Variants in DLG1 observed in about 807,000 individuals in gnomAD.
DLG1 encodes the protein discs large MAGUK scaffold protein 1, also known as disks large homolog 1.
A neutral mutation model predicts 123.4 loss-of-function variants in DLG1; 42 were observed. The observed-to-expected ratio is 0.34, with a 90% CI of 0.27 to 0.44. DLG1 has a LOEUF of 0.44. DLG1 is among the 20% of genes least tolerant of loss of function. DLG1 has a pLI of 1.00. For synonymous variants in DLG1, 317 were observed against 356.2 expected (o/e 0.89, Z 1.24); for missense variants, 942 against 1,082.6 (o/e 0.87, Z 1.82).
intron 4 of DLG1, among the ~76,000 whole-genome samples, chr3:197,202,299 A>C (rs567611126): frequency 6.6e-6 from 1 of 152,334 alleles, no homozygotes; most frequent in East Asian, 1.9e-4. Context: ...AAAACTTCCA[A>C]ATTTCTCAAC....
chr3:197,091,932 C>G (rs562066930), intron 14 of DLG1, among the ~76,000 whole-genome samples: 2 of 152,174 alleles, frequency 1.3e-5, no homozygotes, highest in East Asian at 3.9e-4. Flanking sequence ...CTTTCTTTCA[C>G]CATAATCATC....
chr3:197,156,565 A>T (rs553779188), intron 5 of DLG1, among the ~76,000 whole-genome samples: 2 of 152,342 alleles, frequency 1.3e-5, no homozygotes, highest in African/African-American at 4.8e-5. Flanking sequence ...CAAGAGACTC[A>T]CTGTAGATCC....
At chr3:197,058,713 TAA>T (rs1407813743) in intron 23 of DLG1, among the ~76,000 whole-genome samples, 1 of 152,204 alleles carries the variant, frequency 6.6e-6, no homozygotes. Context: ...GTCAAATAGG[TAA>T]AGTTTTAAAT....
chr3:197,254,468 G>A (rs1036481474), intron 4 of DLG1, among the ~76,000 whole-genome samples: 4 of 152,120 alleles, frequency 2.6e-5, no homozygotes, highest in Non-Finnish European at 5.9e-5. Flanking sequence ...ACACTGCTTC[G>A]CTTTCAATGG....
chr3:197,046,312 T>C (rs554713876), intron 24 of DLG1, among the ~76,000 whole-genome samples: 12 of 152,236 alleles, frequency 7.9e-5, no homozygotes, highest in Non-Finnish European at 1.2e-4. Context: ...TTGGGAAATA[T>C]ACATTTTGCT....
At chr3:197,252,092 T>C (rs1754719745) in intron 4 of DLG1, among the ~76,000 whole-genome samples, 1 of 152,172 alleles carries the variant, frequency 6.6e-6, no homozygotes, top group African/African-American at 2.4e-5. Context: ...GTGTGCTAGT[T>C]GTCTCTCCTT....
At chr3:197,106,621 T>C (rs1766581612) in intron 13 of DLG1, among the ~76,000 whole-genome samples, 1 of 152,168 alleles carries the variant, frequency 6.6e-6, no homozygotes, top group Non-Finnish European at 1.5e-5. Context: ...AAGACAGGTT[T>C]TTCACAGATT....
intron 3 of DLG1, among the ~76,000 whole-genome samples, chr3:197,295,482 CAA>C (rs67590858): frequency 7.0e-6 from 1 of 142,540 alleles, no homozygotes; most frequent in African/African-American, 2.6e-5. Flanking sequence ...ATAACTAAAA[CAA>C]AAAAAAAAAA....
At chr3:197,279,540 A>C (rs1350804837) in intron 4 of DLG1, among the ~76,000 whole-genome samples, 2 of 152,204 alleles carry the variant, frequency 1.3e-5, no homozygotes. Flanking sequence ...ACACTCTGTG[A>C]CCATATTCTC....
At position 197,273,188 on chromosome 3, in the gene DLG1, A is replaced by ATGTGTGTGTGTG. The variant is rs34778202; in HGVS notation, c.318+9479_318+9490dup. ...AGATTAAACCTGGTACACTGAATAT[A>ATGTGTGTGTGTG]TGTGTGTGTGTGTGTGTGTGTGTAT... On this transcript the variant is annotated intron_variant, in intron 4 of 24. Coordinates refer to ENST00000667157, the MANE Select transcript of DLG1 (RefSeq NM_001366207.1). Among the ~76,000 whole-genome samples, 1,038 of 147,844 alleles carry ATGTGTGTGTGTG rather than the reference A, an allele frequency of 7.0e-3. 4 individuals are homozygous for ATGTGTGTGTGTG. The highest frequency in any genetic ancestry group is 0.017 in the African/African-American group (660 of 39,656).
At chr3:197,172,957 C>G (rs146649770) in intron 5 of DLG1, among the ~76,000 whole-genome samples, 1 of 152,274 alleles carries the variant, frequency 6.6e-6, no homozygotes, top group Non-Finnish European at 1.5e-5. Flanking sequence ...TATTTAAAAT[C>G]CATGGTGCCC....
At position 197,134,463 on chromosome 3, in the gene DLG1, T is replaced by C. The variant is rs568314204; in HGVS notation, c.1020+2079A>G. Reference sequence around the variant, plus strand: ...CAGCAGCTCTTCCCAGGAAAATTATTCATAATACCAAAAAAAAAAAAAAAA... The same window carrying C: ...CAGCAGCTCTTCCCAGGAAAATTATCCATAATACCAAAAAAAAAAAAAAAA... On this transcript the variant is annotated intron_variant, in intron 10 of 24. Coordinates refer to ENST00000667157, the MANE Select transcript of DLG1 (RefSeq NM_001366207.1). Among the ~76,000 whole-genome samples, 3 of 129,182 alleles carry C rather than the reference T, an allele frequency of 2.3e-5. No homozygotes were observed. In the East Asian group the frequency reaches 6.4e-4, roughly 28 times the overall value. The allele number at this position is 129,182 out of a possible 152,430, so 84.7% of individuals were successfully genotyped here. A position where few individuals can be genotyped will look rare whatever the true frequency, so the allele number is the denominator to read the frequency against.
intron 4 of DLG1, among the ~76,000 whole-genome samples, chr3:197,249,966 G>A (rs192945992): frequency 7.3e-4 from 111 of 152,242 alleles, no homozygotes; most frequent in East Asian, 1.9e-3. Context: ...ATACTGAATG[G>A]GGAAAAATTG....
At chr3:197,245,269 G>A (rs1751062377) in intron 4 of DLG1, among the ~76,000 whole-genome samples, 1 of 152,078 alleles carries the variant, frequency 6.6e-6, no homozygotes, top group African/African-American at 2.4e-5. Flanking sequence ...ATCCAAACTT[G>A]GGTATAACAT....
intron 4 of DLG1, among the ~76,000 whole-genome samples, chr3:197,221,958 A>C (rs1344480490): frequency 6.6e-6 from 1 of 152,194 alleles, no homozygotes; most frequent in Non-Finnish European, 1.5e-5. Flanking sequence ...ACATCCTCCC[A>C]TATACTTTAA....
intron 5 of DLG1, among the ~76,000 whole-genome samples, chr3:197,169,723 A>C (rs1463249091): frequency 6.6e-6 from 1 of 152,224 alleles, no homozygotes; most frequent in African/African-American, 2.4e-5. Flanking sequence ...AAACTGACCT[A>C]AGAATATACA....
chr3:197,247,539 C>T (rs749090492), intron 4 of DLG1, among the ~76,000 whole-genome samples: 21 of 152,194 alleles, frequency 1.4e-4, no homozygotes, highest in Non-Finnish European at 2.5e-4. Flanking sequence ...TCCTGGGAAA[C>T]GGGACTCTTG....
At chr3:197,297,387 G>C in intron 1 of DLG1, 152 bp from the exon 2 acceptor site, 1 of 1,439,964 alleles carries the variant, frequency 6.9e-7, no homozygotes, top group South Asian at 1.5e-5. Flanking sequence ...CGCAGCAGTT[G>C]TCTGTCAACG....
chr3:197,203,189 G>A (rs978184877), intron 4 of DLG1, among the ~76,000 whole-genome samples: 7 of 152,086 alleles, frequency 4.6e-5, no homozygotes, highest in African/African-American at 7.2e-5. Flanking sequence ...GCTTGAGCCC[G>A]GGAGGTTGAG....
Sources: allele counts gnomAD v4.1 joint callset (sites outside exome capture counted in the v4.1 genomes callset), GRCh38; gene constraint gnomAD v4.1.1; transcripts MANE v1.5; gene names NCBI Gene and HGNC (gene_info 2026-07-23, HGNC 2026-07-21).